Variants in NSD2 observed in about 807,000 individuals in gnomAD.
NSD2 encodes the protein nuclear receptor binding SET domain protein 2.
Under a neutral mutation model 139.0 loss-of-function variants are expected in NSD2, and 12 were observed. The observed-to-expected ratio is 0.09, with a 90% CI of 0.06 to 0.14. The LOEUF is 0.14. Among genes scored for constraint, NSD2 ranks in the 10% least tolerant of loss-of-function variants. NSD2 has a pLI of 1.00. For synonymous variants in NSD2, 669 were observed against 648.7 expected (o/e 1.03, Z -0.48); for missense variants, 1,155 against 1,745.0 (o/e 0.66, Z 6.02).
intron 9 of NSD2, chr4:1,947,150 G>A (rs1029174597): frequency 2.4e-5 from 26 of 1,064,470 alleles, no homozygotes; most frequent in Middle Eastern, 8.3e-4. Context: ...GTCTGCAGTC[G>A]GCCAGACCAG....
chr4:1,945,496 A>G (rs1577511032), intron 9 of NSD2: 1 of 1,064,086 alleles, frequency 9.4e-7, no homozygotes, highest in East Asian at 5.0e-5. Flanking sequence ...TCTAGTTCCA[A>G]AACCAAAAAA....
intron 3 of NSD2, among the ~76,000 whole-genome samples, chr4:1,913,866 A>C (rs1299313936): frequency 6.6e-6 from 1 of 152,078 alleles, no homozygotes; most frequent in Non-Finnish European, 1.5e-5. Context: ...TCGTCTCCAC[A>C]CACGAGGAGA....
At chr4:1,968,224 T>C (rs532406496) in intron 18 of NSD2, among the ~76,000 whole-genome samples, 4 of 152,348 alleles carry the variant, frequency 2.6e-5, no homozygotes, top group Non-Finnish European at 4.4e-5. Context: ...AGAAGTTAAA[T>C]GTGAGATCCA....
At chr4:1,923,167 A>G (rs1388915815) in intron 5 of NSD2, among the ~76,000 whole-genome samples, 1 of 151,900 alleles carries the variant, frequency 6.6e-6, no homozygotes, top group Non-Finnish European at 1.5e-5. Context: ...ATAACAGGCT[A>G]TAAAGGCTAT....
intron 1 of NSD2, among the ~76,000 whole-genome samples, chr4:1,877,232 A>G (rs1241275590): frequency 6.6e-6 from 1 of 152,080 alleles, no homozygotes; most frequent in African/African-American, 2.4e-5. Context: ...TTGCTGCTAT[A>G]TTATGGAGGC....
chr4:1,907,128 G>A (rs375449205), intron 3 of NSD2, among the ~76,000 whole-genome samples: 2 of 152,004 alleles, frequency 1.3e-5, no homozygotes, highest in Admixed American at 6.6e-5. Context: ...ACTTAATCTC[G>A]CTAAGCTTCA....
intron 5 of NSD2, among the ~76,000 whole-genome samples, chr4:1,928,836 A>G (rs1029785460): frequency 6.6e-6 from 1 of 152,142 alleles, no homozygotes; most frequent in African/African-American, 2.4e-5. Context: ...AGCCCTGTGC[A>G]GAAACTTCCA....
intron 5 of NSD2, among the ~76,000 whole-genome samples, chr4:1,921,877 G>A (rs527651510): frequency 1.4e-4 from 22 of 152,124 alleles, no homozygotes; most frequent in South Asian, 1.2e-3. Context: ...GGCCGGGCGC[G>A]GTGGCTCACG....
Position 1,934,974 on chromosome 4 carries a change from T to G in NSD2, c.1556-170T>G, listed in dbSNP as rs564201122. Among the ~76,000 whole-genome samples, 9 of 146,186 alleles carry G rather than the reference T, an allele frequency of 6.2e-5. No individual in the cohort carries two copies. The East Asian group carries it at 1.8e-3, about 29-fold the overall frequency. On this transcript the variant is annotated intron_variant, in intron 6 of 21. Transcript: ENST00000508803. ...TAGATATAGTCACCAGTTTTTTTGTTGTAAAGAGATTTGATCTGTAAGACA... is the reference window on the plus strand; with the variant it reads ...TAGATATAGTCACCAGTTTTTTTGTGGTAAAGAGATTTGATCTGTAAGACA...
Position 1,925,775 on chromosome 4 carries a change from T to A in NSD2, c.1411-4851T>A, listed in dbSNP as rs1019059371. On this transcript the variant is annotated intron_variant, in intron 5 of 21. Coordinates refer to ENST00000508803, the MANE Select transcript of NSD2 (RefSeq NM_001042424.3). ...CTTTTTATATATCTATATATATATT[T>A]TTTTTTGTTTGTTTGTTTGTTTGTT... Among the ~76,000 whole-genome samples, 576 of 146,078 alleles carry A rather than the reference T, an allele frequency of 3.9e-3. 5 individuals carry two copies. The highest frequency in any genetic ancestry group is 0.014 in the African/African-American group (520 of 36,844).
In NSD2 at chr4:1,889,491, G is replaced by A. The variant is rs554292536; in HGVS notation, c.-29-11135G>A. 1.5e-3 allele frequency among the ~76,000 whole-genome samples: 226 copies of A among 151,996 alleles called. 1 individual carries two copies. The highest frequency in any genetic ancestry group is 5.1e-3 in the African/African-American group (210 of 41,460). On this transcript the variant is annotated intron_variant, in intron 1 of 21. Transcript: ENST00000508803. ...ATTATGGGTGTGAGGCACCACGCCC[G>A]GCCAAGATTTGACTTTTTTTTTTTT...
rs376544920 is a variant in NSD2 at position 1,959,575 on chromosome 4, G to C, written c.3090G>C (p.Ser1030=). The change falls in exon 17 of 22, where the codon TCG becomes TCC. Residue 1030 remains serine (S), a synonymous_variant. Transcript: ENST00000508803. ...ATGAGAATCCTTGTGGCTTTGATTC[G>C]GAGTGTCTGAACAGGATGCTGATGT... ...PTDENPCGFD[S]ECLNRMLMFE... The C allele has an allele frequency of 1.9e-6, 3 of 1,614,130 alleles. No homozygotes were observed. The highest frequency in any genetic ancestry group is 2.2e-5 in the South Asian group (2 of 91,076).
chr4:1,877,947 C>T (rs972536509), intron 1 of NSD2, among the ~76,000 whole-genome samples: 3 of 152,082 alleles, frequency 2.0e-5, no homozygotes, highest in African/African-American at 7.2e-5. Flanking sequence ...GAGGATCACT[C>T]CAGCCCAGGA....
intron 3 of NSD2, among the ~76,000 whole-genome samples, chr4:1,905,628 G>A (rs956620846): frequency 6.6e-6 from 1 of 152,254 alleles, no homozygotes; most frequent in Non-Finnish European, 1.5e-5. Context: ...GTGCCTCCCT[G>A]GCAGATGTAG....
At position 1,972,081 on chromosome 4, in the gene NSD2, T is replaced by C. The variant is rs1726545463; in HGVS notation, c.3373-2782T>C. ...AGCAGCAAGAGGCAAACAGTGTCTC[T>C]CGGAGAATGTGACGGCTGTGTTTGG... On this transcript the variant is annotated intron_variant, in intron 18 of 21. Coordinates refer to ENST00000508803, the MANE Select transcript of NSD2 (RefSeq NM_001042424.3). This position sits in a 1 kb window ranked among gnomAD's most constrained non-coding sequence, Gnocchi z 4.0. Among the ~76,000 whole-genome samples, 1 of 152,180 alleles carries C rather than the reference T, an allele frequency of 6.6e-6. No homozygotes were observed. The highest frequency in any genetic ancestry group is 2.1e-4 in the South Asian group (1 of 4,824).
At position 1,948,518 on chromosome 4, in the gene NSD2, C is replaced by T. The variant is rs886868641; in HGVS notation, c.1882-2554C>T. On this transcript the variant is annotated intron_variant, in intron 9 of 21. Transcript: ENST00000508803. This position sits in a 1 kb window ranked among gnomAD's most constrained non-coding sequence, Gnocchi z 4.5. ...CGAGCCGAGAGCATTGGATCCTCCC[C>T]GACTGTGGCTAGTTGTCTGTCCGGT... is the stretch of plus-strand genomic sequence containing the variant. 2.3e-5 allele frequency: 25 copies of T among 1,064,050 alleles called. No individual in the cohort carries two copies. Among genetic ancestry groups the T allele is most frequent in the Admixed American group, 1.6e-4 (3 of 18,616 alleles). 65.9% of individuals were successfully genotyped at this position (1,064,050 alleles called of 1,614,324 possible). A position where few individuals can be genotyped will look rare whatever the true frequency, so the allele number is the denominator to read the frequency against.
chr4:1,872,585 T>TGAGA (rs1178307959), intron 1 of NSD2, among the ~76,000 whole-genome samples: 36 of 56,556 alleles, frequency 6.4e-4, no homozygotes, highest in African/African-American at 1.6e-3. Flanking sequence ...TGTGTGTGTG[T>TGAGA]GTGTGTGAGA....
chr4:1,960,955 C>G (rs1361909854), intron 17 of NSD2, 80 bp from the exon 18 acceptor site: 2 of 1,088,772 alleles, frequency 1.8e-6, no homozygotes, highest in East Asian at 4.8e-5. Flanking sequence ...TCTAAGTGAT[C>G]ATGATGGGGA....
In NSD2 at chr4:1,918,274, A is replaced by T. The variant is rs1485072620; in HGVS notation, c.1061A>T (p.His354Leu). The change falls in exon 5 of 22, where the codon CAT becomes CTT. Residue 354 changes from histidine to leucine, a missense_variant. Transcript: ENST00000508803. The part of the protein sequence containing the change: ...FTFLYVGDQL[H>L]LNPQVAKEAG... ...TTTCTCTATGTGGGGGACCAGCTTCATCTCAACCCTCAAGTAGCCAAGGAG... is the reference window on the plus strand; with the variant it reads ...TTTCTCTATGTGGGGGACCAGCTTCTTCTCAACCCTCAAGTAGCCAAGGAG... 4.3e-6 allele frequency: 7 copies of T among 1,613,918 alleles called. No individual in the cohort carries two copies. Among genetic ancestry groups the T allele is most frequent in the Non-Finnish European group, 5.9e-6 (7 of 1,180,036 alleles).
Sources: gnomAD v4.1 joint callset for allele counts (sites outside exome capture counted in the v4.1 genomes callset) on GRCh38, gnomAD v4.1.1 for gene constraint, Gnocchi (gnomAD v3.1) non-coding constraint, MANE v1.5 for transcripts, NCBI Gene and HGNC (gene_info 2026-07-23, HGNC 2026-07-21) for gene names.